The following MACROD1 variants were observed in gnomAD, a reference collection of about 807,000 sequenced individuals.
MACROD1 encodes ADP-ribose glycohydrolase MACROD1.
Under a neutral mutation model 41.4 loss-of-function variants are expected in MACROD1, and 31 were observed. The observed-to-expected ratio is 0.75, with a 90% CI of 0.56 to 1.01. MACROD1 has a LOEUF of 1.01. Ranked by LOEUF, MACROD1 falls within the 50% of genes least tolerant of loss-of-function variation. The pLI is 0.00. For missense variants in MACROD1, 473 were observed against 460.0 expected (o/e 1.03, Z -0.26); for synonymous variants, 252 against 203.4 (o/e 1.24, Z -2.03).
intron 3 of MACROD1, among the ~76,000 whole-genome samples, chr11:64,025,550 T>C (rs978481554): frequency 6.6e-6 from 1 of 152,180 alleles, no homozygotes; most frequent in Admixed American, 6.5e-5. Context: ...GGATTTGGCA[T>C]GTTATTTTCT....
rs767227500 is a variant in MACROD1, at chr11:63,999,540, G to C, written c.807C>G (p.Thr269=). The C allele has an allele frequency of 1.9e-6, 3 of 1,609,436 alleles. No homozygotes were observed. The highest frequency in any genetic ancestry group is 1.1e-5 in the South Asian group (1 of 90,214). Residue 269 remains threonine, a synonymous_variant, in exon 7 of 11, where the codon ACC becomes ACG. Coordinates refer to ENST00000255681, the MANE Select transcript of MACROD1 (RefSeq NM_014067.4). ...LRSVAFPCIS[T]GVFGYPCEAA... ...TTCTTCCAGACTCACCAAACACGCC[G>C]GTGGAGATGCAGGGGAACGCCTGGG... is the stretch of plus-strand genomic sequence containing the variant.
At chr11:64,029,292 G>A (rs1253182525) in intron 3 of MACROD1, among the ~76,000 whole-genome samples, 1 of 152,180 alleles carries the variant, frequency 6.6e-6, no homozygotes, top group Non-Finnish European at 1.5e-5. Flanking sequence ...CGGGAGGGGA[G>A]ATGAGGGGGC....
Position 64,151,242 on chromosome 11 carries a change from C to T in MACROD1, c.514G>A (p.Ala172Thr), listed in dbSNP as rs768340876. 2.4e-5 allele frequency: 38 copies of T among 1,612,602 alleles called. No individual in the cohort carries two copies. Among genetic ancestry groups the T allele is most frequent in the South Asian group, 9.9e-5 (9 of 91,080 alleles). The change falls in exon 3 of 11, where the codon GCC (alanine) becomes ACC (threonine). Residue 172 changes from alanine (A) to threonine (T), a missense_variant. Ala to Thr is a moderately conservative substitution (Grantham distance 58). Transcript: ENST00000255681. ...TKLEVDAIVN[A>T]ANSSLLGGGG... ...CTGGTTCAGGCCAGCCACTCACCGGCGTTGACGATGGCGTCCACCTCCAGC... is the reference window on the plus strand; with the variant it reads ...CTGGTTCAGGCCAGCCACTCACCGGTGTTGACGATGGCGTCCACCTCCAGC...
At chr11:64,017,123 C>T (rs1025785688) in intron 3 of MACROD1, among the ~76,000 whole-genome samples, 1 of 152,164 alleles carries the variant, frequency 6.6e-6, no homozygotes, top group South Asian at 2.1e-4. Context: ...GCATGCGCCA[C>T]CACACCCGGC....
At chr11:64,112,289 G>A (rs1944876736) in intron 3 of MACROD1, among the ~76,000 whole-genome samples, 1 of 152,154 alleles carries the variant, frequency 6.6e-6, no homozygotes, top group African/African-American at 2.4e-5. Context: ...CCAGGGAGGT[G>A]GATCACGAGG....
At chr11:64,058,746 C>T (rs1011279988) in intron 3 of MACROD1, among the ~76,000 whole-genome samples, 1 of 152,242 alleles carries the variant, frequency 6.6e-6, no homozygotes, top group Non-Finnish European at 1.5e-5. Context: ...TGCTTGCCAG[C>T]GGCAGCTTCT....
chr11:64,148,643 A>G (rs1437872979), intron 3 of MACROD1: 6 of 755,148 alleles, frequency 7.9e-6, no homozygotes, highest in Non-Finnish European at 9.7e-6. Flanking sequence ...ATAGAATTTA[A>G]TGGACACGTA....
chr11:64,045,567 G>T (rs1465897359), intron 3 of MACROD1, among the ~76,000 whole-genome samples: 1 of 152,166 alleles, frequency 6.6e-6, no homozygotes, highest in East Asian at 1.9e-4. Context: ...TGGTAGGTAG[G>T]GGGTGAGGGT....
At chr11:64,157,256 C>A (rs1207950530) in intron 1 of MACROD1, among the ~76,000 whole-genome samples, 1 of 152,118 alleles carries the variant, frequency 6.6e-6, no homozygotes, top group East Asian at 1.9e-4. Flanking sequence ...CCACACCCAG[C>A]TAATTTTTTG....
chr11:64,131,568 C>T (rs1231279758), intron 3 of MACROD1, among the ~76,000 whole-genome samples: 1 of 152,156 alleles, frequency 6.6e-6, no homozygotes, highest in African/African-American at 2.4e-5. Context: ...TTCAATGATC[C>T]ACCCGCATCG....
chr11:64,152,037 G>A (rs985535561), intron 2 of MACROD1, among the ~76,000 whole-genome samples: 1 of 152,210 alleles, frequency 6.6e-6, no homozygotes, highest in Non-Finnish European at 1.5e-5. Flanking sequence ...GCTGAGGCAG[G>A]AGAATCGCTT....
In MACROD1 at chr11:64,052,066, G is replaced by T. The variant is rs551819391; in HGVS notation, c.518-36785C>A. 7.2e-5 allele frequency among the ~76,000 whole-genome samples: 11 copies of T among 152,046 alleles called. No homozygotes were observed. In the South Asian group the frequency reaches 2.3e-3, roughly 32 times the overall value. Reference sequence around the variant, plus strand: ...GGGGGGCATTTTGGGAAGGAGGAAGGCAGAGTCCCTGCATTGGAGCAAATC... The same window carrying T: ...GGGGGGCATTTTGGGAAGGAGGAAGTCAGAGTCCCTGCATTGGAGCAAATC... On this transcript the variant is annotated intron_variant, in intron 3 of 10. Coordinates refer to ENST00000255681, the MANE Select transcript of MACROD1 (RefSeq NM_014067.4).
chr11:64,153,053 TTGAG>T (rs1945607709), intron 1 of MACROD1, among the ~76,000 whole-genome samples: 1 of 151,884 alleles, frequency 6.6e-6, no homozygotes, highest in African/African-American at 2.4e-5. Context: ...CAGCAGGGAC[TTGAG>T]TGAGGAGCCA....
chr11:64,087,884 T>G (rs922155199), intron 3 of MACROD1, among the ~76,000 whole-genome samples: 3 of 152,170 alleles, frequency 2.0e-5, no homozygotes, highest in Non-Finnish European at 4.4e-5. Context: ...TACACAGGGC[T>G]TAGCTCCTTC....
Position 64,010,818 on chromosome 11 carries a change from ATTGG to A in MACROD1, c.547+4430_547+4433del, listed in dbSNP as rs565414981. On this transcript the variant is annotated intron_variant, in intron 4 of 10. Coordinates refer to ENST00000255681, the MANE Select transcript of MACROD1 (RefSeq NM_014067.4). ...TGTTGGCTGGCATGTTGGTTGGGGTATTGGTTGGGGTGTTGGCTTGCATGTTGGC... is the reference window on the plus strand; with the variant it reads ...TGTTGGCTGGCATGTTGGTTGGGGTATTGGGGTGTTGGCTTGCATGTTGGC... 2.2e-4 allele frequency among the ~76,000 whole-genome samples: 11 copies of A among 50,994 alleles called. No individual in the cohort carries two copies. In the South Asian group the frequency reaches 6.2e-3, roughly 29 times the overall value. 33.5% of individuals were successfully genotyped at this position (50,994 alleles called of 152,430 possible). A position where few individuals can be genotyped will look rare whatever the true frequency, so the allele number is the denominator to read the frequency against.
intron 3 of MACROD1, among the ~76,000 whole-genome samples, chr11:64,025,583 C>T (rs1943213365): frequency 6.6e-6 from 1 of 152,188 alleles, no homozygotes; most frequent in Non-Finnish European, 1.5e-5. Flanking sequence ...TATGCGTGCC[C>T]CTCAACAAGG....
In MACROD1 at chr11:64,106,680, C is replaced by G. The variant is rs115873215; in HGVS notation, c.517+44559G>C. Among the ~76,000 whole-genome samples the G allele has an allele frequency of 6.4e-3, 971 of 152,306 alleles. 7 individuals carry two copies. The highest frequency in any genetic ancestry group is 0.022 in the African/African-American group (907 of 41,574). ...AGCCTTTACTGGTCACACTGCTCCT[C>G]TCCAGGCTCTCTGCTGTGGCCCAGG... On this transcript the variant is annotated intron_variant, in intron 3 of 10. Transcript: ENST00000255681.
intron 3 of MACROD1, among the ~76,000 whole-genome samples, chr11:64,045,214 C>T (rs1253927365): frequency 8.8e-6 from 1 of 113,708 alleles, no homozygotes; most frequent in South Asian, 3.0e-4. Flanking sequence ...CTGGTGCCCT[C>T]GGGAGGAGTG....
At chr11:64,136,154 C>G (rs1009275422) in intron 3 of MACROD1, among the ~76,000 whole-genome samples, 4 of 152,224 alleles carry the variant, frequency 2.6e-5, no homozygotes, top group African/African-American at 9.6e-5. Flanking sequence ...GAAAGCTCAG[C>G]CTTCCCTCAA....
Sources: allele counts gnomAD v4.1 joint callset (sites outside exome capture counted in the v4.1 genomes callset), GRCh38; gene constraint gnomAD v4.1.1; transcripts MANE v1.5; gene names NCBI Gene and HGNC (gene_info 2026-07-23, HGNC 2026-07-21).